Variants in GLS observed in about 807,000 individuals in gnomAD.
The protein encoded by GLS is glutaminase kidney isoform, mitochondrial.
A neutral mutation model predicts 86.7 loss-of-function variants in GLS; 36 were observed. That is an observed-to-expected ratio of 0.42 (90% CI 0.32 to 0.55). GLS has a LOEUF of 0.55. Ranked by LOEUF, GLS falls within the 20% of genes least tolerant of loss-of-function variation. The pLI is 0.17. For missense variants in GLS, 528 were observed against 833.4 expected (o/e 0.63, Z 4.51); for synonymous variants, 317 against 305.9 (o/e 1.04, Z -0.38).
chr2:190,933,014 G>A, intron 14 of GLS: 3 of 1,151,502 alleles, frequency 2.6e-6, no homozygotes, highest in Non-Finnish European at 3.2e-6. Flanking sequence ...TTTAATCTTT[G>A]TATAAAGGCA....
chr2:190,887,412 C>A (rs993684697), intron 1 of GLS, among the ~76,000 whole-genome samples: 2 of 152,114 alleles, frequency 1.3e-5, no homozygotes, highest in African/African-American at 2.4e-5. Context: ...ATGTTAAATT[C>A]ATTATAAAGA....
chr2:190,915,558 G>A (rs1689505638), intron 7 of GLS, among the ~76,000 whole-genome samples: 1 of 152,048 alleles, frequency 6.6e-6, no homozygotes, highest in African/African-American at 2.4e-5. Context: ...TTCCATACTT[G>A]GAATTCTTTC....
chr2:190,887,389 T>C (rs2125975575), intron 1 of GLS, among the ~76,000 whole-genome samples: 1 of 152,178 alleles, frequency 6.6e-6, no homozygotes, highest in East Asian at 1.9e-4. Context: ...TTTGGGAGTG[T>C]CCTCTGCTTG....
chr2:190,923,198 T>C (rs929441534), intron 9 of GLS, among the ~76,000 whole-genome samples: 2 of 152,188 alleles, frequency 1.3e-5, no homozygotes, highest in African/African-American at 4.8e-5. Flanking sequence ...AAAATGCAGA[T>C]CTGATTAGGT....
intron 14 of GLS, among the ~76,000 whole-genome samples, chr2:190,952,895 T>G (rs923412722): frequency 2.0e-5 from 3 of 152,196 alleles, no homozygotes; most frequent in Non-Finnish European, 2.9e-5. Flanking sequence ...AAAAGGAAAG[T>G]GGGTAACTGT....
intron 17 of GLS, among the ~76,000 whole-genome samples, chr2:190,960,539 A>ACTTATTT (rs1553489728): frequency 6.7e-6 from 1 of 148,908 alleles, no homozygotes; most frequent in African/African-American, 2.5e-5. Flanking sequence ...TAATTTATTT[A>ACTTATTT]TTTATTTTTT....
intron 17 of GLS, among the ~76,000 whole-genome samples, chr2:190,958,411 GTC>G (rs756583956): frequency 1.3e-5 from 2 of 152,194 alleles, no homozygotes; most frequent in East Asian, 1.9e-4. Context: ...GGTTTTTCAT[GTC>G]TCTGTCTCCT....
rs1043314945 is a variant in GLS at position 190,930,043 on chromosome 2, T to A, written c.1426-394T>A. Among the ~76,000 whole-genome samples the A allele has an allele frequency of 6.6e-6, 1 of 151,600 alleles. No individual in the cohort carries two copies. Among genetic ancestry groups the A allele is most frequent in the African/African-American group, 2.4e-5 (1 of 41,296 alleles). On this transcript the variant is annotated intron_variant, in intron 12 of 17. Transcript: ENST00000320717. This position sits in a 1 kb window ranked among gnomAD's most constrained non-coding sequence, Gnocchi z 5.0. ...GATCACAAGGTCAGGAGATAATTTT[T>A]AATTTTTAAACCAATTTCCCAATTG... is the stretch of plus-strand genomic sequence containing the variant.
chr2:190,957,051 C>G (rs578205413), intron 17 of GLS, among the ~76,000 whole-genome samples: 1 of 152,266 alleles, frequency 6.6e-6, no homozygotes, highest in East Asian at 1.9e-4. Flanking sequence ...CATCTGCAAA[C>G]AGAGACAATT....
rs1209410517 is a variant in GLS at position 190,897,520 on chromosome 2, G to C, written c.605+1795G>C. 6.6e-6 allele frequency among the ~76,000 whole-genome samples: 1 copy of C among 152,048 alleles called. No individual in the cohort carries two copies. Among genetic ancestry groups the C allele is most frequent in the Non-Finnish European group, 1.5e-5 (1 of 68,006 alleles). On this transcript the variant is annotated intron_variant, in intron 3 of 17. Coordinates refer to ENST00000320717, the MANE Select transcript of GLS (RefSeq NM_014905.5). This position sits in a 1 kb window ranked among gnomAD's most constrained non-coding sequence, Gnocchi z 4.3. ...TTTCCAACTTGACAAATGTTTTATG[G>C]TCTATATGAGCAACCAGTAGAAAAG...
chr2:190,932,812 A>C, intron 14 of GLS: 3 of 1,606,130 alleles, frequency 1.9e-6, no homozygotes, highest in Non-Finnish European at 2.6e-6. Context: ...AAATGAGGAC[A>C]TCTCTACAAC....
At chr2:190,916,339 C>T (rs1689533241) in intron 7 of GLS, among the ~76,000 whole-genome samples, 1 of 152,132 alleles carries the variant, frequency 6.6e-6, no homozygotes, top group African/African-American at 2.4e-5. Flanking sequence ...TTTCTCCACC[C>T]AGCTCACCCC....
chr2:190,906,376 G>T (rs1347147880), intron 6 of GLS, among the ~76,000 whole-genome samples: 1 of 151,912 alleles, frequency 6.6e-6, no homozygotes, highest in African/African-American at 2.4e-5. Flanking sequence ...AATGTTTAGA[G>T]GATTTCAGAA....
chr2:190,895,106 G>A lies in GLS; in HGVS notation c.387-46G>A. On this transcript the variant is annotated intron_variant, in intron 1 of 17. Transcript: ENST00000320717. This position sits in a 1 kb window ranked among gnomAD's most constrained non-coding sequence, Gnocchi z 4.2. The stretch of plus-strand genomic sequence containing the variant: ...AATGGATTTAGTTAAAAATCCAGTA[G>A]AATGTTCATACAAGGATTAATTTTG... 1 of 811,258 alleles carries A rather than the reference G, an allele frequency of 1.2e-6. No homozygotes were observed. Among genetic ancestry groups the A allele is most frequent in the Non-Finnish European group, 2.1e-6 (1 of 470,460 alleles). 50.3% of individuals were successfully genotyped at this position (811,258 alleles called of 1,614,324 possible). A position where few individuals can be genotyped will look rare whatever the true frequency, so the allele number is the denominator to read the frequency against.
At position 190,935,076 on chromosome 2, in the gene GLS, C is replaced by T. The variant is rs11547781; in HGVS notation, c.1650+3439C>T. ...TGTAGCATATTTGATTTTCTTTTTTCTTTCTTTTTTTGGCATCATTAACAT... is the reference window on the plus strand; with the variant it reads ...TGTAGCATATTTGATTTTCTTTTTTTTTTCTTTTTTTGGCATCATTAACAT... On this transcript the variant is annotated intron_variant, in intron 14 of 17. Coordinates refer to ENST00000320717, the MANE Select transcript of GLS (RefSeq NM_014905.5). This position sits in a 1 kb window ranked among gnomAD's most constrained non-coding sequence, Gnocchi z 4.2. 2.1e-6 allele frequency: 2 copies of T among 946,940 alleles called. No individual in the cohort carries two copies. Among genetic ancestry groups the T allele is most frequent in the African/African-American group, 1.8e-5 (1 of 56,322 alleles). 58.7% of individuals were successfully genotyped at this position (946,940 alleles called of 1,614,324 possible).
intron 9 of GLS, among the ~76,000 whole-genome samples, chr2:190,923,502 ACT>A (rs1689810923): frequency 6.6e-6 from 1 of 151,866 alleles, no homozygotes; most frequent in Non-Finnish European, 1.5e-5. Context: ...TGTGTTTCCC[ACT>A]CTCAGTGAAA....
Position 190,881,262 on chromosome 2 carries a change from G to A in GLS, c.178G>A (p.Gly60Arg), listed in dbSNP as rs976879554. 1.6e-6 allele frequency: 2 copies of A among 1,289,152 alleles called. No homozygotes were observed. The highest frequency in any genetic ancestry group is 3.1e-5 in the East Asian group (1 of 31,880). 79.9% of individuals were successfully genotyped at this position (1,289,152 alleles called of 1,614,324 possible). Residue 60 changes from glycine (G) to arginine (R), a missense_variant, in exon 1 of 18, where the codon GGG becomes AGG. Physicochemically the swap from Gly to Arg is moderately radical, Grantham distance 125 (BLOSUM62 -2). This residue lies in a region of GLS where 224 missense variants were observed against 187.9 expected (regional missense o/e 1.19). Coordinates refer to ENST00000320717, the MANE Select transcript of GLS (RefSeq NM_014905.5). ...CGCGCGACTCCACCCGTGGTGGGGC[G>A]GGGGCGGCTGGCCGGCGGAGCCCCT... ...AAARLHPWWG[G>R]GGWPAEPLAR...
At position 190,921,254 on chromosome 2, in the gene GLS, A is replaced by C. The variant is rs1457178368; in HGVS notation, c.1130+51A>C. 8.7e-7 allele frequency: 1 copy of C among 1,145,832 alleles called. No individual in the cohort carries two copies. Among genetic ancestry groups the C allele is most frequent in the African/African-American group, 1.5e-5 (1 of 65,888 alleles). The allele number at this position is 1,145,832 out of a possible 1,614,324, so 71.0% of individuals were successfully genotyped here. On this transcript the variant is annotated intron_variant, in intron 9 of 17. Coordinates refer to ENST00000320717, the MANE Select transcript of GLS (RefSeq NM_014905.5). The surrounding 1 kb of genome is among the most constrained non-coding windows in gnomAD (Gnocchi z 4.2). The stretch of plus-strand genomic sequence containing the variant: ...TACGTAAAAACACACAACTGTATTT[A>C]GAATTGATCCACTCTCTTTTCATTG...
intron 14 of GLS, among the ~76,000 whole-genome samples, chr2:190,944,453 T>G (rs553035498): frequency 6.6e-6 from 1 of 152,222 alleles, no homozygotes; most frequent in Non-Finnish European, 1.5e-5. Flanking sequence ...TGAGAAACTT[T>G]GATAGTTGTC....
Sources: allele counts gnomAD v4.1 joint callset (sites outside exome capture counted in the v4.1 genomes callset), GRCh38; gene constraint gnomAD v4.1.1; regional missense constraint gnomAD v4.1.1; non-coding constraint Gnocchi (gnomAD v3.1); transcripts MANE v1.5; gene names NCBI Gene and HGNC (gene_info 2026-07-23, HGNC 2026-07-21).